Variants in COPG2 observed in about 807,000 individuals in gnomAD.
COPG2 encodes coat protein complex I subunit gamma 2.
In COPG2, 37 loss-of-function variants were observed where a neutral mutation model predicts 46.3. The observed-to-expected ratio is 0.80, with a 90% confidence interval of 0.61 to 1.05. The LOEUF (loss-of-function observed/expected upper bound fraction) is 1.05. COPG2 is among the 50% of genes least tolerant of loss of function. The pLI is 0.00. For missense variants in COPG2, 427 were observed against 387.8 expected (o/e 1.10, Z -0.85); for synonymous variants, 159 against 129.7 (o/e 1.23, Z -1.53).
At chr7:130,553,849 G>A (rs1007900170) in intron 14 of COPG2, among the ~76,000 whole-genome samples, 145 of 152,330 alleles carry the variant, frequency 9.5e-4, no homozygotes, top group Non-Finnish European at 1.8e-3. Flanking sequence ...GAAGTGTTCA[G>A]TCAATAGCAC....
intron 5 of COPG2, among the ~76,000 whole-genome samples, chr7:130,620,258 T>C (rs1436874584): frequency 2.0e-5 from 3 of 152,098 alleles, no homozygotes; most frequent in Non-Finnish European, 4.4e-5. Context: ...TTCCAGACAC[T>C]TAGGATACTT....
At chr7:130,548,304 T>C in intron 19 of COPG2, 99 bp downstream of exon 19, 1 of 397,096 alleles carries the variant, frequency 2.5e-6, no homozygotes, top group Non-Finnish European at 4.4e-6. Context: ...GCCAAATTAA[T>C]TCTCTATAAT....
chr7:130,589,887 T>A (rs1367031858), intron 9 of COPG2, among the ~76,000 whole-genome samples: 5 of 152,126 alleles, frequency 3.3e-5, no homozygotes, highest in Non-Finnish European at 4.4e-5. Context: ...TTTGTAAGAG[T>A]TCTTTATATA....
intron 5 of COPG2, among the ~76,000 whole-genome samples, chr7:130,622,592 C>T (rs1382391508): frequency 6.6e-6 from 1 of 152,164 alleles, no homozygotes; most frequent in East Asian, 1.9e-4. Flanking sequence ...CTACAAAAGA[C>T]TAAATAAAGG....
intron 20 of COPG2, among the ~76,000 whole-genome samples, chr7:130,546,314 C>T (rs1027051193): frequency 1.2e-4 from 19 of 152,176 alleles, no homozygotes; most frequent in Non-Finnish European, 2.8e-4. Context: ...CTTAAGAGTA[C>T]AGCCAGCTTA....
chr7:130,603,892 T>C (rs782664399), intron 9 of COPG2: 2 of 517,158 alleles, frequency 3.9e-6, no homozygotes, highest in Non-Finnish European at 7.7e-6. Flanking sequence ...TAACCTACTA[T>C]TAATCATCTT....
intron 20 of COPG2, chr7:130,510,803 C>T (rs565910072): frequency 9.4e-6 from 4 of 425,282 alleles, no homozygotes; most frequent in African/African-American, 2.0e-5. Flanking sequence ...AGTAATCTGT[C>T]GAAGCTGCTG....
rs938679055 is a variant in COPG2, at chr7:130,521,658, A to C, written c.2150-12999T>G. Among the ~76,000 whole-genome samples, 19 of 152,354 alleles carry C rather than the reference A, an allele frequency of 1.2e-4. No individual in the cohort carries two copies. The East Asian group carries it at 3.7e-3, about 29-fold the overall frequency. The stretch of plus-strand genomic sequence containing the variant: ...CACTATAATCGTATCATATGGAACA[A>C]GGAAGAAAACAAGTGATGGACACTA... On this transcript the variant is annotated intron_variant, in intron 20 of 23. Transcript: ENST00000425248.
intron 9 of COPG2, among the ~76,000 whole-genome samples, chr7:130,576,071 C>A (rs986619328): frequency 6.6e-6 from 1 of 152,142 alleles, no homozygotes; most frequent in Non-Finnish European, 1.5e-5. Context: ...ATTTATAAAA[C>A]AAGTATTACT....
At chr7:130,658,632 A>G (rs1795905144) in intron 4 of COPG2, among the ~76,000 whole-genome samples, 1 of 152,194 alleles carries the variant, frequency 6.6e-6, no homozygotes, top group Admixed American at 6.5e-5. Context: ...CTGATAAAGG[A>G]CTTCTATCCA....
chr7:130,525,638 T>G (rs1368506995), intron 20 of COPG2, among the ~76,000 whole-genome samples: 2 of 152,130 alleles, frequency 1.3e-5, no homozygotes, highest in African/African-American at 4.8e-5. Context: ...AGGATAGAGA[T>G]ATAGCTTACA....
At chr7:130,528,630 G>C (rs1799796385) in intron 20 of COPG2, among the ~76,000 whole-genome samples, 1 of 151,612 alleles carries the variant, frequency 6.6e-6, no homozygotes, top group Non-Finnish European at 1.5e-5. Context: ...GAAAGCAGGA[G>C]AGACGACCAA....
chr7:130,617,193 G>C, intron 5 of COPG2, 128 bp from the exon 6 acceptor site: 1 of 544,170 alleles, frequency 1.8e-6, no homozygotes. Context: ...TATTTATGGA[G>C]CATATTCTTT....
At chr7:130,625,765 T>C (rs1456877628) in intron 5 of COPG2, among the ~76,000 whole-genome samples, 1 of 152,106 alleles carries the variant, frequency 6.6e-6, no homozygotes, top group African/African-American at 2.4e-5. Context: ...TATGTTTTTC[T>C]ATTTTTTCCT....
chr7:130,653,029 A>G, intron 4 of COPG2, 81 bp from the exon 5 acceptor site: 1 of 825,054 alleles, frequency 1.2e-6, no homozygotes, highest in Non-Finnish European at 1.9e-6. Flanking sequence ...GACCCCAAGT[A>G]GATATATATT....
intron 5 of COPG2, among the ~76,000 whole-genome samples, chr7:130,626,573 G>C (rs1554454329): frequency 1.3e-5 from 2 of 151,978 alleles, no homozygotes; most frequent in African/African-American, 2.4e-5. Flanking sequence ...GTCTATAAGA[G>C]AGAGCGCTCC....
intron 1 of COPG2, among the ~76,000 whole-genome samples, chr7:130,667,985 C>T (rs551264867): frequency 6.6e-6 from 1 of 152,298 alleles, no homozygotes; most frequent in Middle Eastern, 3.4e-3. Context: ...CCAACCCCCT[C>T]TCACACTGTG....
intron 4 of COPG2, among the ~76,000 whole-genome samples, chr7:130,660,703 C>T (rs1277232692): frequency 6.6e-6 from 1 of 152,132 alleles, no homozygotes; most frequent in Non-Finnish European, 1.5e-5. Context: ...CTTCATTCCT[C>T]GACCTCCTCT....
At chr7:130,610,781 A>C in intron 9 of COPG2, 172 bp downstream of exon 9, 1 of 712,166 alleles carries the variant, frequency 1.4e-6, no homozygotes, top group South Asian at 1.6e-5. Flanking sequence ...GCATACAGTA[A>C]GGTTAAAAAA....
Sources: gnomAD v4.1 joint callset for allele counts (sites outside exome capture counted in the v4.1 genomes callset) on GRCh38, gnomAD v4.1.1 for gene constraint, MANE v1.5 for transcripts, NCBI Gene and HGNC (gene_info 2026-07-23, HGNC 2026-07-21) for gene names.